The following TTLL1 variants were observed in gnomAD, a reference collection of about 807,000 sequenced individuals.
TTLL1 encodes the protein polyglutamylase complex subunit TTLL1.
In TTLL1, 33 loss-of-function variants were observed where a neutral mutation model predicts 47.8. The observed-to-expected ratio is 0.69, with a 90% CI of 0.52 to 0.92. TTLL1 has a LOEUF of 0.92. TTLL1 is among the 40% of genes least tolerant of loss of function. TTLL1 has a pLI of 0.00. For missense variants in TTLL1, 488 were observed against 547.5 expected (o/e 0.89, Z 1.08); for synonymous variants, 225 against 214.1 (o/e 1.05, Z -0.45).
chr22:43,069,796 A>T lies in TTLL1; in HGVS notation c.162T>A (p.Tyr54Ter). The part of the protein sequence containing the change: ...IRNVFSVEAG[Y>*]RLSDDQIVNH... ...TGACTATTTGGTCATCTGAGAGCCG[A>T]TATCCAGCTTCAACGCTGAACACAT... The change falls in exon 4 of 11, where the codon TAT (tyrosine) becomes TAA (stop). Residue 54 changes from tyrosine (Y) to a stop codon, truncating the protein, a stop_gained. Transcript: ENST00000266254. LOFTEE classifies it high-confidence loss of function. 1 of 1,614,222 alleles carries T rather than the reference A, an allele frequency of 6.2e-7. No individual in the cohort carries two copies. Among genetic ancestry groups the T allele is most frequent in the Middle Eastern group, 1.6e-4 (1 of 6,062 alleles).
chr22:43,068,653 G>C, intron 4 of TTLL1, 63 bp from the exon 5 acceptor site: 1 of 1,354,234 alleles, frequency 7.4e-7, no homozygotes, highest in Non-Finnish European at 9.6e-7. Flanking sequence ...TGAACAGAAA[G>C]ATCTTGCCCT....
intron 9 of TTLL1, among the ~76,000 whole-genome samples, chr22:43,051,488 G>A (rs1926616872): frequency 6.6e-6 from 1 of 152,194 alleles, no homozygotes; most frequent in Non-Finnish European, 1.5e-5. Flanking sequence ...GAGGACAGGG[G>A]AGGGCCTGGG....
At chr22:43,058,886 G>C (rs1271233100) in intron 8 of TTLL1, among the ~76,000 whole-genome samples, 1 of 152,178 alleles carries the variant, frequency 6.6e-6, no homozygotes, top group Non-Finnish European at 1.5e-5. Flanking sequence ...CGTAGAGACA[G>C]GGTTTCACCG....
chr22:43,074,160 C>T (rs1207711003), intron 3 of TTLL1, among the ~76,000 whole-genome samples: 3 of 151,968 alleles, frequency 2.0e-5, no homozygotes, highest in African/African-American at 7.2e-5. Flanking sequence ...GGCACAGTGG[C>T]TCACGCCTGT....
At chr22:43,064,453 C>T (rs4820506) in intron 5 of TTLL1, 129 bp from the exon 6 acceptor site, 296,288 of 1,096,442 alleles carry the variant, frequency 0.27, 42,620 homozygotes, top group Middle Eastern at 0.37. Context: ...TGGCTGGGCG[C>T]GGTGGCTCAC....
intron 1 of TTLL1, among the ~76,000 whole-genome samples, chr22:43,080,838 G>A (rs1928827652): frequency 7.1e-6 from 1 of 140,166 alleles, no homozygotes; most frequent in Non-Finnish European, 1.5e-5. Flanking sequence ...AGCCCTTTAA[G>A]TACATTCCTT....
chr22:43,057,245 G>C (rs1018480486), intron 8 of TTLL1, among the ~76,000 whole-genome samples: 1 of 150,400 alleles, frequency 6.6e-6, no homozygotes, highest in African/African-American at 2.5e-5. Flanking sequence ...CTCCAGCCTG[G>C]TCGACAGAAT....
At chr22:43,046,751 C>T (rs900083850) in intron 9 of TTLL1, among the ~76,000 whole-genome samples, 178 bp from the exon 10 acceptor site, 6 of 152,100 alleles carry the variant, frequency 3.9e-5, no homozygotes, top group Admixed American at 6.6e-5. Flanking sequence ...TTCACTGCAA[C>T]CTCCGCCTCC....
intron 7 of TTLL1, among the ~76,000 whole-genome samples, chr22:43,063,123 G>A (rs1248151018): frequency 6.6e-6 from 1 of 152,172 alleles, no homozygotes; most frequent in African/African-American, 2.4e-5. Flanking sequence ...CCTCAGGGAT[G>A]GTCTAAGCAG....
intron 3 of TTLL1, among the ~76,000 whole-genome samples, chr22:43,073,402 G>A (rs1442778219): frequency 6.6e-6 from 1 of 151,688 alleles, no homozygotes; most frequent in Non-Finnish European, 1.5e-5. Context: ...TGTCACCCAG[G>A]CTGGAGTGCA....
At chr22:43,081,672 C>G (rs965553576) in intron 1 of TTLL1, among the ~76,000 whole-genome samples, 1 of 151,770 alleles carries the variant, frequency 6.6e-6, no homozygotes. Context: ...CTCAGCCTCC[C>G]AAGTAGCTGG....
At chr22:43,057,870 C>T (rs560225346) in intron 8 of TTLL1, among the ~76,000 whole-genome samples, 3 of 151,966 alleles carry the variant, frequency 2.0e-5, no homozygotes, top group East Asian at 1.9e-4. Flanking sequence ...CCTGGGCCTC[C>T]GTTTTCCCAG....
At chr22:43,051,678 A>G (rs777545971) in intron 9 of TTLL1, 123 bp downstream of exon 9, 1 of 901,232 alleles carries the variant, frequency 1.1e-6, no homozygotes, top group Non-Finnish European at 1.8e-6. Flanking sequence ...CTCGAACATC[A>G]GTCCCCTTCC....
chr22:43,066,224 G>C (rs1375981084), intron 5 of TTLL1, among the ~76,000 whole-genome samples: 1 of 151,838 alleles, frequency 6.6e-6, no homozygotes, highest in South Asian at 2.1e-4. Context: ...AAGACCAAAG[G>C]TGCATCTCGT....
chr22:43,042,579 G>A lies in TTLL1; in HGVS notation c.1143-2674C>T, dbSNP rs116120821. Among the ~76,000 whole-genome samples, 724 of 152,350 alleles carry A rather than the reference G, an allele frequency of 4.8e-3. 10 individuals are homozygous for A. The highest frequency in any genetic ancestry group is 0.016 in the African/African-American group (685 of 41,586). ...CAGCCAATGGTATGGCCTGGGGCACGTGACCTCATGCGGCCAGTGTCCTCT... is the reference window on the plus strand; with the variant it reads ...CAGCCAATGGTATGGCCTGGGGCACATGACCTCATGCGGCCAGTGTCCTCT... On this transcript the variant is annotated intron_variant, in intron 10 of 10. Transcript: ENST00000266254.
In TTLL1 at chr22:43,056,462, CTTTTT is replaced by C. The variant is rs1052016247; in HGVS notation, c.891+2917_891+2921del. Reference sequence around the variant, plus strand: ...CACACATTTCCATCTTTCTTCTTGTCTTTTTTTTTTTTTTTTTTTTTTTTAAAGAG... The same window carrying C: ...CACACATTTCCATCTTTCTTCTTGTCTTTTTTTTTTTTTTTTTTTAAAGAG... On this transcript the variant is annotated intron_variant, in intron 8 of 10. Coordinates refer to ENST00000266254, the MANE Select transcript of TTLL1 (RefSeq NM_012263.5). Among the ~76,000 whole-genome samples, 6 of 103,706 alleles carry C rather than the reference CTTTTT, an allele frequency of 5.8e-5. No individual in the cohort carries two copies. In the East Asian group the frequency reaches 1.1e-3, roughly 19 times the overall value. 68.0% of individuals were successfully genotyped at this position (103,706 alleles called of 152,430 possible). A position where few individuals can be genotyped will look rare whatever the true frequency, so the allele number is the denominator to read the frequency against.
Position 43,059,372 on chromosome 22 carries a change from C to CTG in TTLL1, c.891+11_891+12insCA. 1 of 1,606,564 alleles carries CTG rather than the reference C, an allele frequency of 6.2e-7. No individual in the cohort carries two copies. The highest frequency in any genetic ancestry group is 1.1e-5 in the South Asian group (1 of 90,402). On this transcript the variant is annotated intron_variant, in intron 8 of 10. Coordinates refer to ENST00000266254, the MANE Select transcript of TTLL1 (RefSeq NM_012263.5). The stretch of plus-strand genomic sequence containing the variant: ...CCCTGGGAGCCGGCTCCCCCGCCCG[C>CTG]ACCAAACTCACCGCCACAGCCTTCA...
intron 5 of TTLL1, among the ~76,000 whole-genome samples, chr22:43,064,526 A>G (rs1927604224): frequency 6.6e-6 from 1 of 151,804 alleles, no homozygotes. Context: ...GGAGTTCAAG[A>G]CGAGCCTGGT....
intron 9 of TTLL1, among the ~76,000 whole-genome samples, chr22:43,050,487 C>G (rs1230556145): frequency 6.7e-6 from 1 of 149,388 alleles, no homozygotes; most frequent in East Asian, 2.0e-4. Flanking sequence ...GAGAGACTTC[C>G]ATTCAAGTCA....
Sources: gnomAD v4.1 joint callset for allele counts (sites outside exome capture counted in the v4.1 genomes callset) on GRCh38, gnomAD v4.1.1 for gene constraint, MANE v1.5 for transcripts, NCBI Gene and HGNC (gene_info 2026-07-23, HGNC 2026-07-21) for gene names.